EPHA7: variants seen among roughly 807,000 people sequenced by gnomAD.
EPHA7 encodes ephrin type-A receptor 7.
A neutral mutation model predicts 112.6 loss-of-function variants in EPHA7; 25 were observed. The observed-to-expected ratio is 0.22, with a 90% CI of 0.16 to 0.31. The LOEUF (loss-of-function observed/expected upper bound fraction) is 0.31, where lower values mean the gene tolerates loss of function less well. EPHA7 is among the 10% of genes least tolerant of loss of function. The probability of loss-of-function intolerance (pLI) is 1.00; values close to 1 mark genes in which losing one functional copy is unlikely to be tolerated. For missense variants in EPHA7, 962 were observed against 1,212.6 expected, an observed-to-expected ratio of 0.79 and a Z score of 3.07; for synonymous variants, 437 against 406.5, an observed-to-expected ratio of 1.07 and a Z score of -0.90.
chr6:93,374,995 CTGTT>C (rs777160823), intron 3 of EPHA7, among the ~76,000 whole-genome samples: 1 of 152,136 alleles, frequency 6.6e-6, no homozygotes, highest in Non-Finnish European at 1.5e-5. Context: ...TTTTTGCAAT[CTGTT>C]TAACTGCCTC....
chr6:93,264,556 C>A, intron 8 of EPHA7, 38 bp downstream of exon 8: 3 of 1,313,866 alleles, frequency 2.3e-6, no homozygotes, highest in South Asian at 2.5e-5. Context: ...AAAAACAATA[C>A]ATTTTATGTT....
At chr6:93,360,029 AT>A (rs1342463055) in intron 3 of EPHA7, among the ~76,000 whole-genome samples, 28 of 152,254 alleles carry the variant, frequency 1.8e-4, no homozygotes, top group African/African-American at 6.3e-4. Flanking sequence ...TGGCTTCTCA[AT>A]TAATACAAGA....
chr6:93,367,455 T>C (rs2127956405), intron 3 of EPHA7, among the ~76,000 whole-genome samples: 1 of 152,312 alleles, frequency 6.6e-6, no homozygotes, highest in Admixed American at 6.5e-5. Flanking sequence ...CCTTTTTAAG[T>C]AACATTACAT....
At chr6:93,381,128 G>C (rs543127728) in intron 3 of EPHA7, among the ~76,000 whole-genome samples, 1 of 151,980 alleles carries the variant, frequency 6.6e-6, no homozygotes, top group African/African-American at 2.4e-5. Flanking sequence ...CAGTTATCGG[G>C]TATATTTATT....
At chr6:93,323,203 TAATC>T (rs1304763704) in intron 5 of EPHA7, among the ~76,000 whole-genome samples, 1 of 151,640 alleles carries the variant, frequency 6.6e-6, no homozygotes, top group African/African-American at 2.4e-5. Flanking sequence ...CAGACTGTAT[TAATC>T]AATTAAATGT....
chr6:93,360,362 C>T (rs1376647695), intron 3 of EPHA7, among the ~76,000 whole-genome samples: 2 of 152,006 alleles, frequency 1.3e-5, no homozygotes, highest in African/African-American at 4.8e-5. Context: ...GAAAGCAATG[C>T]TTTACTCACA....
At chr6:93,315,761 C>G (rs1773777676) in intron 5 of EPHA7, among the ~76,000 whole-genome samples, 1 of 152,126 alleles carries the variant, frequency 6.6e-6, no homozygotes, top group African/African-American at 2.4e-5. Context: ...TGTGTTTTGT[C>G]TTATCAATTT....
chr6:93,368,947 T>C (rs912534408), intron 3 of EPHA7, among the ~76,000 whole-genome samples: 1 of 152,066 alleles, frequency 6.6e-6, no homozygotes, highest in African/African-American at 2.4e-5. Flanking sequence ...ATTTCTGTTA[T>C]GTCAGTGGAA....
intron 3 of EPHA7, among the ~76,000 whole-genome samples, chr6:93,365,881 TTG>T (rs1169972997): frequency 6.6e-6 from 1 of 152,182 alleles, no homozygotes; most frequent in African/African-American, 2.4e-5. Context: ...TGTTATTAAT[TTG>T]TGTTATTTAA....
chr6:93,394,255 T>C (rs1361863769), intron 3 of EPHA7, among the ~76,000 whole-genome samples: 1 of 151,820 alleles, frequency 6.6e-6, no homozygotes, highest in Non-Finnish European at 1.5e-5. Context: ...AGATATTGCA[T>C]ATCTTTTATA....
At chr6:93,334,643 T>A (rs1017372537) in intron 5 of EPHA7, among the ~76,000 whole-genome samples, 1 of 151,940 alleles carries the variant, frequency 6.6e-6, no homozygotes, top group Non-Finnish European at 1.5e-5. Flanking sequence ...TAGAAAAAAA[T>A]ATCTCCAAAG....
rs189429123 is a variant in EPHA7 at position 93,375,601 on chromosome 6, A to C, written c.833-17190T>G. Among the ~76,000 whole-genome samples the C allele has an allele frequency of 1.3e-4, 20 of 152,144 alleles. No individual in the cohort carries two copies. In the South Asian group the frequency reaches 1.4e-3, roughly 11 times the overall value. ...GACCTTGACTCAAAAAACAAACAAAAAAAAAACTCCAAGATTTGGAAGCCT... is the reference window on the plus strand; with the variant it reads ...GACCTTGACTCAAAAAACAAACAAACAAAAAACTCCAAGATTTGGAAGCCT... On this transcript the variant is annotated intron_variant, in intron 3 of 16. Coordinates refer to ENST00000369303, the MANE Select transcript of EPHA7 (RefSeq NM_004440.4).
At chr6:93,375,561 T>G (rs912724671) in intron 3 of EPHA7, among the ~76,000 whole-genome samples, 1 of 150,316 alleles carries the variant, frequency 6.7e-6, no homozygotes. Context: ...GAAGTTACAG[T>G]GAGCCTAGCA....
At chr6:93,358,505 T>C (rs1776073723) in intron 3 of EPHA7, 94 bp from the exon 4 acceptor site, 5 of 1,045,506 alleles carry the variant, frequency 4.8e-6, no homozygotes, top group Non-Finnish European at 6.7e-6. Context: ...AAATATTAAA[T>C]GTGATGTATG....
At chr6:93,402,516 CA>C (rs1185082512) in intron 3 of EPHA7, among the ~76,000 whole-genome samples, 4 of 151,802 alleles carry the variant, frequency 2.6e-5, no homozygotes, top group Admixed American at 2.6e-4. Context: ...GTTACCTATC[CA>C]AAAATGTCTT....
chr6:93,413,152 C>T (rs1160165802), intron 2 of EPHA7, among the ~76,000 whole-genome samples: 1 of 151,886 alleles, frequency 6.6e-6, no homozygotes, highest in African/African-American at 2.4e-5. Flanking sequence ...AATATTTTCT[C>T]AAAACTTATA....
chr6:93,332,241 T>G (rs1028053250), intron 5 of EPHA7, among the ~76,000 whole-genome samples: 4 of 151,430 alleles, frequency 2.6e-5, no homozygotes, highest in African/African-American at 9.7e-5. Flanking sequence ...CAAGGAGAAC[T>G]GAATAAAGCA....
At chr6:93,388,667 G>T (rs1777752635) in intron 3 of EPHA7, among the ~76,000 whole-genome samples, 1 of 152,080 alleles carries the variant, frequency 6.6e-6, no homozygotes, top group African/African-American at 2.4e-5. Context: ...GGAGAATAGT[G>T]AAGGGTGATA....
chr6:93,278,716 T>G (rs561093359), intron 5 of EPHA7, among the ~76,000 whole-genome samples: 27 of 151,876 alleles, frequency 1.8e-4, no homozygotes, highest in Non-Finnish European at 3.2e-4. Context: ...TGTTTTTTTT[T>G]GTTGTTGTTG....
Sources: allele counts gnomAD v4.1 joint callset (sites outside exome capture counted in the v4.1 genomes callset), GRCh38; gene constraint gnomAD v4.1.1; transcripts MANE v1.5; gene names NCBI Gene and HGNC (gene_info 2026-07-23, HGNC 2026-07-21).